GZMA: variants seen among roughly 807,000 people sequenced by gnomAD.
The protein encoded by GZMA is granzyme A.
In GZMA, 17 loss-of-function variants were observed where a neutral mutation model predicts 21.1. That is an observed-to-expected ratio of 0.81 (90% confidence interval 0.55 to 1.21). The LOEUF is 1.21. GZMA is among the 50% of genes most tolerant of loss of function. The pLI is 0.00. For missense variants in GZMA, 306 were observed against 315.9 expected (o/e 0.97, Z 0.24); for synonymous variants, 90 against 107.8 (o/e 0.83, Z 1.03).
At chr5:55,109,413 C>T (rs956070960) in intron 4 of GZMA, among the ~76,000 whole-genome samples, 13 of 152,164 alleles carry the variant, frequency 8.5e-5, no homozygotes, top group African/African-American at 2.7e-4. Context: ...CTTGGCAATC[C>T]TTGCCTGTTC....
chr5:55,106,137 T>A (rs202214396), intron 2 of GZMA, among the ~76,000 whole-genome samples: 4 of 762 alleles, frequency 5.2e-3, no homozygotes, highest in East Asian at 0.071. Flanking sequence ...ATAAAATAAA[T>A]AAAATAAAAT....
intron 4 of GZMA, among the ~76,000 whole-genome samples, chr5:55,108,930 G>C (rs978823686): frequency 2.0e-5 from 3 of 152,206 alleles, no homozygotes; most frequent in African/African-American, 7.2e-5. Context: ...ACTCATACCA[G>C]AAAATGTGTA....
At chr5:55,107,236 T>C (rs1347199513) in intron 2 of GZMA, among the ~76,000 whole-genome samples, 1 of 152,180 alleles carries the variant, frequency 6.6e-6, no homozygotes, top group Non-Finnish European at 1.5e-5. Context: ...AAAAGACTCC[T>C]GGACCCCTCC....
At chr5:55,105,161 TGTTGATG>T (rs888147576) in intron 1 of GZMA, among the ~76,000 whole-genome samples, 5 of 152,168 alleles carry the variant, frequency 3.3e-5, no homozygotes, top group African/African-American at 1.2e-4. Flanking sequence ...CTGCAGCAAC[TGTTGATG>T]GTAAAGACCA....
intron 1 of GZMA, among the ~76,000 whole-genome samples, chr5:55,103,943 C>A (rs1488477894): frequency 6.6e-6 from 1 of 151,716 alleles, no homozygotes; most frequent in Non-Finnish European, 1.5e-5. Flanking sequence ...GAGTTGGAGG[C>A]TGCAGTGAGC....
At chr5:55,106,074 T>A (rs1249470954) in intron 2 of GZMA, among the ~76,000 whole-genome samples, 2 of 1,386 alleles carry the variant, frequency 1.4e-3, no homozygotes, top group Non-Finnish European at 1.6e-3. Context: ...ATAAAATAAA[T>A]AAAATAAAAT....
chr5:55,110,005 T>A lies in GZMA; in HGVS notation c.628-16T>A, dbSNP rs1436846662. 6.3e-7 allele frequency: 1 copy of A among 1,580,832 alleles called. No individual in the cohort carries two copies. The highest frequency in any genetic ancestry group is 8.6e-7 in the Non-Finnish European group (1 of 1,166,052). ...GAACACTGACCCCACACCCTACCCC[T>A]CTTGTTTTCCTCCAGGGAGATTCTG... On this transcript the variant is annotated splice_polypyrimidine_tract_variant and intron_variant, in intron 4 of 4. Coordinates refer to ENST00000274306, the MANE Select transcript of GZMA (RefSeq NM_006144.4).
chr5:55,105,548 G>A lies in GZMA; in HGVS notation c.145G>A (p.Asp49Asn), dbSNP rs1742372520. The A allele has an allele frequency of 6.2e-7, 1 of 1,613,104 alleles. No individual in the cohort carries two copies. The highest frequency in any genetic ancestry group is 8.5e-7 in the Non-Finnish European group (1 of 1,179,282). Residue 49 changes from aspartate to asparagine, a missense_variant, in exon 2 of 5, where the codon GAC (aspartate) becomes AAC (asparagine). Asp to Asn is a conservative substitution (Grantham distance 23). Coordinates refer to ENST00000274306, the MANE Select transcript of GZMA (RefSeq NM_006144.4). ...SRPYMVLLSL[D>N]RKTICAGALI... ...ACCCTACATGGTCCTACTTAGTCTT[G>A]ACAGAAAAACCATCTGTGCTGGGGC...
chr5:55,107,727 T>G lies in GZMA; in HGVS notation c.216-67T>G, dbSNP rs1742437271. The G allele has an allele frequency of 5.0e-6, 6 of 1,198,976 alleles. No individual in the cohort carries two copies. In the South Asian group the frequency reaches 8.6e-5, roughly 17 times the overall value. The allele number at this position is 1,198,976 out of a possible 1,614,324, so 74.3% of individuals were successfully genotyped here. A position where few individuals can be genotyped will look rare whatever the true frequency, so the allele number is the denominator to read the frequency against. On this transcript the variant is annotated intron_variant, in intron 2 of 4. Transcript: ENST00000274306. Reference sequence around the variant, plus strand: ...TTTACAAATGGGACAATGAAACTGATCAGTATATATGCTCAACTGCCAATA... The same window carrying G: ...TTTACAAATGGGACAATGAAACTGAGCAGTATATATGCTCAACTGCCAATA...
At chr5:55,109,923 G>C (rs1037259486) in intron 4 of GZMA, 98 bp from the exon 5 acceptor site, 2 of 762,766 alleles carry the variant, frequency 2.6e-6, no homozygotes, top group Non-Finnish European at 2.0e-6. Context: ...GTCAAGGTTG[G>C]TCTTAACTGC....
rs1349534099 is a variant in GZMA, at chr5:55,106,247, T to C, written c.215+629T>C. ...TAAAATAAAATAAAATAAAATAAAA[T>C]AAAATAAAATAAAATAAATAAAATA... On this transcript the variant is annotated intron_variant, in intron 2 of 4. Transcript: ENST00000274306. Among the ~76,000 whole-genome samples, 14 of 1,926 alleles carry C rather than the reference T, an allele frequency of 7.3e-3. 5 individuals carry two copies. The highest frequency in any genetic ancestry group is 0.019 in the Admixed American group (2 of 104). 1.3% of individuals were successfully genotyped at this position (1,926 alleles called of 152,430 possible).
At chr5:55,104,267 A>C (rs1742349225) in intron 1 of GZMA, among the ~76,000 whole-genome samples, 1 of 152,244 alleles carries the variant, frequency 6.6e-6, no homozygotes, top group Admixed American at 6.5e-5. Context: ...TATAAGGAAC[A>C]GACAGCAAAG....
intron 1 of GZMA, among the ~76,000 whole-genome samples, chr5:55,104,837 A>G (rs149127359): frequency 2.0e-4 from 31 of 152,236 alleles, no homozygotes; most frequent in Non-Finnish European, 4.0e-4. Flanking sequence ...TCCCTATCTC[A>G]TTGGAAAAGA....
intron 1 of GZMA, among the ~76,000 whole-genome samples, chr5:55,103,009 T>A (rs896880867): frequency 5.3e-5 from 8 of 151,266 alleles, no homozygotes; most frequent in African/African-American, 9.7e-5. Flanking sequence ...TTTTTTTTTT[T>A]AAATAGCATT....
At position 55,107,823 on chromosome 5, in the gene GZMA, C is replaced by G; in HGVS notation, c.245C>G (p.Ala82Gly). ...LNKRSQVILGAHSITREEPTK... is the reference protein window; with the variant it reads ...LNKRSQVILGGHSITREEPTK... ...AAAAGGTCCCAGGTCATTCTTGGGGCTCACTCAATAACCAGGGAAGAGCCA... is the reference window on the plus strand; with the variant it reads ...AAAAGGTCCCAGGTCATTCTTGGGGGTCACTCAATAACCAGGGAAGAGCCA... Residue 82 changes from alanine (A) to glycine (G), a missense_variant, in exon 3 of 5, where the codon GCT (alanine) becomes GGT (glycine). Transcript: ENST00000274306. 6.2e-7 allele frequency: 1 copy of G among 1,612,604 alleles called. No homozygotes were observed. The highest frequency in any genetic ancestry group is 8.5e-7 in the Non-Finnish European group (1 of 1,178,716).
chr5:55,105,133 C>T (rs985817556), intron 1 of GZMA, among the ~76,000 whole-genome samples: 2 of 152,194 alleles, frequency 1.3e-5, no homozygotes, highest in Non-Finnish European at 2.9e-5. Flanking sequence ...TTGAGGTTGT[C>T]ACTACCACTG....
intron 1 of GZMA, among the ~76,000 whole-genome samples, 173 bp downstream of exon 1, chr5:55,102,925 G>A (rs558085572): frequency 4.6e-5 from 7 of 152,130 alleles, no homozygotes; most frequent in Middle Eastern, 3.4e-3. Flanking sequence ...TACTAGGAAC[G>A]CTGAGGTGGA....
At chr5:55,104,413 A>C in intron 1 of GZMA, among the ~76,000 whole-genome samples, 1 of 152,094 alleles carries the variant, frequency 6.6e-6, no homozygotes, top group East Asian at 1.9e-4. Flanking sequence ...TTTCCTTTTT[A>C]AAAGCAGAGA....
Position 55,105,675 on chromosome 5 carries a change from A to G in GZMA, c.215+57A>G, listed in dbSNP as rs936034211. On this transcript the variant is annotated intron_variant, in intron 2 of 4. Transcript: ENST00000274306. ...TAAAGATACTCTAATTTGGGGAAACATTAATAAAAAGAGTAGGCCGGGCAC... is the reference window on the plus strand; with the variant it reads ...TAAAGATACTCTAATTTGGGGAAACGTTAATAAAAAGAGTAGGCCGGGCAC... The G allele has an allele frequency of 7.4e-6, 11 of 1,484,748 alleles. No homozygotes were observed. The African/African-American group carries it at 1.2e-4, about 17-fold the overall frequency. 92.0% of individuals were successfully genotyped at this position (1,484,748 alleles called of 1,614,324 possible). A position where few individuals can be genotyped will look rare whatever the true frequency, so the allele number is the denominator to read the frequency against.
Sources: gnomAD v4.1 joint callset for allele counts (sites outside exome capture counted in the v4.1 genomes callset) on GRCh38, gnomAD v4.1.1 for gene constraint, MANE v1.5 for transcripts, NCBI Gene and HGNC (gene_info 2026-07-23, HGNC 2026-07-21) for gene names.